Variants in MAGEA12 observed in about 807,000 individuals in gnomAD.
MAGEA12 encodes the protein melanoma-associated antigen 12.
For synonymous variants in MAGEA12, 135 were observed against 104.7 expected, an observed-to-expected ratio of 1.29 and a Z score of -1.77; for missense variants, 235 against 240.1, an observed-to-expected ratio of 0.98 and a Z score of 0.14.
rs781853933 is a variant in MAGEA12 at position 152,736,139 on chromosome X, C to T, written c.-23C>T. On this transcript the variant is annotated 5_prime_UTR_variant, in exon 3 of 3. Transcript: ENST00000393869. ...CACTAGCTCCTGCCCACACTCCTAC[C>T]TGCTGCCCTGACCAGAGTCATCATG... The T allele has an allele frequency of 1.0e-5, 12 of 1,205,490 alleles. No homozygotes were observed. Among genetic ancestry groups the T allele is most frequent in the Non-Finnish European group, 1.3e-5 (12 of 891,665 alleles).
chrX:152,736,975 C>A lies in MAGEA12; in HGVS notation c.814C>A (p.Leu272Met), dbSNP rs1932340943. ...CAGTGATCCTGCATGCTACGAGTTCCTGTGGGGTCCAAGGGCCCTCGTTGA... is the reference window on the plus strand; with the variant it reads ...CAGTGATCCTGCATGCTACGAGTTCATGTGGGGTCCAAGGGCCCTCGTTGA... Reference protein sequence around the residue: ...PGSDPACYEFLWGPRALVETS... With the variant: ...PGSDPACYEFMWGPRALVETS... The change falls in exon 3 of 3, where the codon CTG (leucine) becomes ATG (methionine). Residue 272 changes from leucine (L) to methionine (M), a missense_variant. Coordinates refer to ENST00000393869, the MANE Select transcript of MAGEA12 (RefSeq NM_001166387.4). 1 of 1,210,434 alleles carries A rather than the reference C, an allele frequency of 8.3e-7. No homozygotes were observed. The highest frequency in any genetic ancestry group is 2.2e-5 in the Admixed American group (1 of 45,833).
Position 152,736,113 on chromosome X carries a change from G to C in MAGEA12, c.-49G>C, listed in dbSNP as rs1362114192. Reference sequence around the variant, plus strand: ...TTCTGAGGAGACAGGCCCCGGAGCAGCACTAGCTCCTGCCCACACTCCTAC... The same window carrying C: ...TTCTGAGGAGACAGGCCCCGGAGCACCACTAGCTCCTGCCCACACTCCTAC... On this transcript the variant is annotated 5_prime_UTR_variant, in exon 3 of 3. Transcript: ENST00000393869. The C allele has an allele frequency of 2.6e-6, 3 of 1,176,012 alleles. No homozygotes were observed. In the East Asian group the frequency reaches 8.9e-5, roughly 35 times the overall value.
At chrX:152,734,451 G>A (rs1932257192) in intron 1 of MAGEA12, among the ~76,000 whole-genome samples, 2 of 111,226 alleles carry the variant, frequency 1.8e-5, no homozygotes, top group Admixed American at 1.9e-4. Flanking sequence ...AGTCCGGAGG[G>A]CTCCCAGCAT....
rs782792466 is a variant in MAGEA12, at chrX:152,736,375, C to T, written c.214C>T (p.Pro72Ser). The T allele has an allele frequency of 2.5e-6, 3 of 1,211,535 alleles. No homozygotes were observed. In the African/African-American group the frequency reaches 5.2e-5, roughly 21 times the overall value. ...CAGTCCTCAGGGAGCCTCCACCCTC[C>T]CCACTACCATCAACTATACTCTCTG... is the stretch of plus-strand genomic sequence containing the variant. ...PHSPQGASTLPTTINYTLWSQ... is the reference protein window; with the variant it reads ...PHSPQGASTLSTTINYTLWSQ... The change falls in exon 3 of 3, where the codon CCC becomes TCC. Residue 72 changes from proline to serine, a missense_variant. Coordinates refer to ENST00000393869, the MANE Select transcript of MAGEA12 (RefSeq NM_001166387.4).
chrX:152,736,534 C>T lies in MAGEA12; in HGVS notation c.373C>T (p.Arg125Ter), dbSNP rs782257764. 1 of 1,211,879 alleles carries T rather than the reference C, an allele frequency of 8.3e-7. No homozygotes were observed. The highest frequency in any genetic ancestry group is 2.2e-5 in the Admixed American group (1 of 46,083). Residue 125 changes from arginine to a stop codon, truncating the protein, a stop_gained, in exon 3 of 3, where the codon CGA (arginine) becomes TGA (stop). Coordinates refer to ENST00000393869, the MANE Select transcript of MAGEA12 (RefSeq NM_001166387.4). LOFTEE classifies it low-confidence loss of function (END_TRUNC). ...ELVHFLLLKY[R>*]AREPFTKAEM... is the part of the protein sequence containing the mutation. ...GGTTCATTTTCTGCTCCTCAAGTAT[C>T]GAGCCAGGGAGCCATTCACAAAGGC...
At chrX:152,734,739 C>G (rs1291792842) in intron 1 of MAGEA12, among the ~76,000 whole-genome samples, 1 of 112,137 alleles carries the variant, frequency 8.9e-6, no homozygotes, top group African/African-American at 3.2e-5. Flanking sequence ...AGGAGTGGCA[C>G]TTCAGGTCAG....
In MAGEA12 at chrX:152,736,088, T is replaced by C; in HGVS notation, c.-74T>C. On this transcript the variant is annotated splice_region_variant and 5_prime_UTR_variant, in exon 3 of 3. Coordinates refer to ENST00000393869, the MANE Select transcript of MAGEA12 (RefSeq NM_001166387.4). ...GCGCCCTCTCACTTGTTCCTTCAGG[T>C]TCTGAGGAGACAGGCCCCGGAGCAG... The C allele has an allele frequency of 9.2e-7, 1 of 1,091,271 alleles. No individual in the cohort carries two copies. The highest frequency in any genetic ancestry group is 2.1e-5 in the South Asian group (1 of 48,009). The allele number at this position is 1,091,271 out of a possible 1,213,427, so 89.9% of individuals were successfully genotyped here.
At position 152,736,122 on chromosome X, in the gene MAGEA12, C is replaced by G. The variant is rs1191457268; in HGVS notation, c.-40C>G. ...GACAGGCCCCGGAGCAGCACTAGCT[C>G]CTGCCCACACTCCTACCTGCTGCCC... On this transcript the variant is annotated 5_prime_UTR_variant, in exon 3 of 3. Transcript: ENST00000393869. 4 of 1,186,785 alleles carry G rather than the reference C, an allele frequency of 3.4e-6. No individual in the cohort carries two copies. The Admixed American group carries it at 6.8e-5, about 20-fold the overall frequency.
Position 152,736,100 on chromosome X carries a change from A to T in MAGEA12, c.-62A>T, listed in dbSNP as rs1932313140. 2.6e-6 allele frequency: 3 copies of T among 1,132,279 alleles called. No individual in the cohort carries two copies. In the African/African-American group the frequency reaches 5.4e-5, roughly 20 times the overall value. The allele number at this position is 1,132,279 out of a possible 1,213,427, so 93.3% of individuals were successfully genotyped here. A position where few individuals can be genotyped will look rare whatever the true frequency, so the allele number is the denominator to read the frequency against. On this transcript the variant is annotated 5_prime_UTR_variant, in exon 3 of 3. Transcript: ENST00000393869. Reference sequence around the variant, plus strand: ...TTGTTCCTTCAGGTTCTGAGGAGACAGGCCCCGGAGCAGCACTAGCTCCTG... The same window carrying T: ...TTGTTCCTTCAGGTTCTGAGGAGACTGGCCCCGGAGCAGCACTAGCTCCTG...
intron 1 of MAGEA12, among the ~76,000 whole-genome samples, chrX:152,734,928 G>A (rs1316552463): frequency 1.8e-5 from 2 of 112,393 alleles, no homozygotes; most frequent in African/African-American, 6.5e-5. Flanking sequence ...CCACAGGCAA[G>A]AGGTTGGGGA....
At chrX:152,734,140 C>CA (rs1932239726) in intron 1 of MAGEA12, 1 of 105,898 alleles carries the variant, frequency 9.4e-6, no homozygotes, top group Admixed American at 1.0e-4. Flanking sequence ...GGGTAACCCC[C>CA]CGCACCCCCA....
Position 152,737,321 on chromosome X carries a change from C to T in MAGEA12, c.*215C>T, listed in dbSNP as rs1196382562. The T allele has an allele frequency of 1.5e-5, 8 of 527,547 alleles. No homozygotes were observed. The highest frequency in any genetic ancestry group is 2.7e-5 in the Non-Finnish European group (8 of 292,247). The allele number at this position is 527,547 out of a possible 1,213,427, so 43.5% of individuals were successfully genotyped here. A position where few individuals can be genotyped will look rare whatever the true frequency, so the allele number is the denominator to read the frequency against. On this transcript the variant is annotated 3_prime_UTR_variant, in exon 3 of 3. Transcript: ENST00000393869. ...TCCTGTTGGAATTGTTCAAATGTTC[C>T]TTTTAACGGATGGTTGAATGAACTT...
Position 152,737,147 on chromosome X carries a change from C to T in MAGEA12, c.*41C>T, listed in dbSNP as rs782579396. 4.6e-5 allele frequency: 53 copies of T among 1,156,995 alleles called. No homozygotes were observed. Among genetic ancestry groups the T allele is most frequent in the Admixed American group, 3.5e-4 (16 of 45,385 alleles). The stretch of plus-strand genomic sequence containing the variant: ...GCAGCCAGGGCCAGTGGGAGGGGGT[C>T]TGGGCCAGTGCACCTTCCAAGGCCC... On this transcript the variant is annotated 3_prime_UTR_variant, in exon 3 of 3. Transcript: ENST00000393869.
rs190973636 is a variant in MAGEA12 at position 152,736,849 on chromosome X, G to A, written c.688G>A (p.Ala230Thr). ...KIWEELSVLE[A>T]SDGREDSVFA... The stretch of plus-strand genomic sequence containing the variant: ...CTGGGAGGAGCTGAGTGTGTTGGAG[G>A]CATCTGATGGGAGGGAGGACAGTGT... The change falls in exon 3 of 3, where the codon GCA becomes ACA. Residue 230 changes from alanine (A) to threonine (T), a missense_variant. By Grantham distance (58) the Ala-to-Thr change is moderately conservative (BLOSUM62 0). Transcript: ENST00000393869. 66 of 1,210,341 alleles carry A rather than the reference G, an allele frequency of 5.5e-5. No homozygotes were observed. In the Middle Eastern group the frequency reaches 2.1e-3, roughly 38 times the overall value.
chrX:152,736,576 G>A lies in MAGEA12; in HGVS notation c.415G>A (p.Val139Ile). ...PFTKAEMLGS[V>I]IRNFQDFFPV... Reference sequence around the variant, plus strand: ...CACAAAGGCAGAAATGCTGGGGAGTGTCATCAGAAATTTCCAGGACTTCTT... The same window carrying A: ...CACAAAGGCAGAAATGCTGGGGAGTATCATCAGAAATTTCCAGGACTTCTT... The change falls in exon 3 of 3, where the codon GTC becomes ATC. Residue 139 changes from valine (V) to isoleucine (I), a missense_variant. Transcript: ENST00000393869. The A allele has an allele frequency of 8.3e-7, 1 of 1,211,913 alleles. No homozygotes were observed. The highest frequency in any genetic ancestry group is 1.1e-6 in the Non-Finnish European group (1 of 895,573).
chrX:152,734,446 G>C (rs1273651122), intron 1 of MAGEA12, among the ~76,000 whole-genome samples: 1 of 111,200 alleles, frequency 9.0e-6, no homozygotes, highest in Admixed American at 9.4e-5. Flanking sequence ...AATGGAGTCC[G>C]GAGGGCTCCC....
At chrX:152,735,977 A>C (rs1249418442) in intron 2 of MAGEA12, 110 bp from the exon 3 acceptor site, 10 of 482,615 alleles carry the variant, frequency 2.1e-5, no homozygotes, top group African/African-American at 4.9e-5. Flanking sequence ...CGGCCCCAGA[A>C]CACATGGGAC....
chrX:152,736,294 C>A lies in MAGEA12; in HGVS notation c.133C>A (p.Leu45Ile). 1.7e-6 allele frequency: 2 copies of A among 1,211,615 alleles called. No homozygotes were observed. Among genetic ancestry groups the A allele is most frequent in the Non-Finnish European group, 2.2e-6 (2 of 895,344 alleles). Residue 45 changes from leucine (L) to isoleucine (I), a missense_variant, in exon 3 of 3, where the codon CTA becomes ATA. Leu to Ile is a conservative substitution (Grantham distance 5, BLOSUM62 2). Transcript: ENST00000393869. Reference protein sequence around the residue: ...EQETASSSSTLVEVTLREVPA... With the variant: ...EQETASSSSTIVEVTLREVPA... ...GGAGACTGCCTCCTCCTCCTCTACT[C>A]TAGTGGAAGTCACCCTGCGGGAGGT...
In MAGEA12 at chrX:152,736,448, G is replaced by A; in HGVS notation, c.287G>A (p.Ser96Asn). ...GSSNEEQEGPSTFPDLETSFQ... is the reference protein window; with the variant it reads ...GSSNEEQEGPNTFPDLETSFQ... ...AGCAACGAAGAACAGGAAGGGCCAA[G>A]CACCTTTCCTGACCTGGAGACGAGC... The change falls in exon 3 of 3, where the codon AGC becomes AAC. Residue 96 changes from serine (S) to asparagine (N), a missense_variant. Transcript: ENST00000393869. 8.3e-7 allele frequency: 1 copy of A among 1,211,983 alleles called. No individual in the cohort carries two copies. Among genetic ancestry groups the A allele is most frequent in the Non-Finnish European group, 1.1e-6 (1 of 895,557 alleles).
Sources: allele counts gnomAD v4.1 joint callset (sites outside exome capture counted in the v4.1 genomes callset), GRCh38; gene constraint gnomAD v4.1.1; transcripts MANE v1.5; gene names NCBI Gene and HGNC (gene_info 2026-07-23, HGNC 2026-07-21).